Variants in PHKA1 observed in about 807,000 individuals in gnomAD.
The protein encoded by PHKA1 is phosphorylase kinase regulatory subunit alpha 1, also known as phosphorylase b kinase regulatory subunit alpha, skeletal muscle isoform.
Under a neutral mutation model 110.2 loss-of-function variants are expected in PHKA1, and 60 were observed. The observed-to-expected ratio is 0.54, with a 90% CI of 0.44 to 0.68. The LOEUF (loss-of-function observed/expected upper bound fraction) is 0.68, where lower values mean the gene tolerates loss of function less well. Ranked by LOEUF, PHKA1 falls within the 30% of genes least tolerant of loss-of-function variation. The probability of loss-of-function intolerance (pLI) is 0.00; values close to 1 mark genes in which losing one functional copy is unlikely to be tolerated. For synonymous variants in PHKA1, 316 were observed against 333.6 expected (o/e 0.95, Z 0.58); for missense variants, 801 against 942.5 (o/e 0.85, Z 1.97).
rs2053087307 is a variant in PHKA1 at position 72,627,173 on chromosome X, C to G, written c.1715-124G>C. The G allele has an allele frequency of 7.4e-6, 4 of 541,618 alleles. No homozygotes were observed. The Admixed American group carries it at 1.0e-4, about 14-fold the overall frequency. The allele number at this position is 541,618 out of a possible 1,213,427, so 44.6% of individuals were successfully genotyped here. ...ATACAAATGAGACACTCCTCATTGACCATCCTGATTTTAACAATTCATCTG... is the reference window on the plus strand; with the variant it reads ...ATACAAATGAGACACTCCTCATTGAGCATCCTGATTTTAACAATTCATCTG... On this transcript the variant is annotated intron_variant, in intron 16 of 31. Coordinates refer to ENST00000373542, the MANE Select transcript of PHKA1 (RefSeq NM_002637.4).
intron 17 of PHKA1, among the ~76,000 whole-genome samples, chrX:72,624,506 A>G (rs1327462239): frequency 2.7e-5 from 3 of 111,544 alleles, no homozygotes; most frequent in Admixed American, 9.5e-5. Context: ...ACCTCCAGGA[A>G]GTCATGCCTA....
At chrX:72,682,348 GC>G (rs1301691619) in intron 5 of PHKA1, among the ~76,000 whole-genome samples, 1 of 99,409 alleles carries the variant, frequency 1.0e-5, no homozygotes, top group Admixed American at 1.0e-4. Context: ...GGGGGGGTCA[GC>G]CCCCTGCCCG....
chrX:72,637,162 T>C (rs2053239801), intron 14 of PHKA1, among the ~76,000 whole-genome samples: 1 of 112,311 alleles, frequency 8.9e-6, no homozygotes, highest in South Asian at 3.7e-4. Context: ...TCTCCAAAAC[T>C]CTTTCATCTT....
chrX:72,713,549 A>G (rs1477552564), intron 1 of PHKA1, among the ~76,000 whole-genome samples: 2 of 111,395 alleles, frequency 1.8e-5, no homozygotes, highest in South Asian at 3.8e-4. Context: ...AGAATGAACT[A>G]GCGAACTAGC....
rs781949231 is a variant in PHKA1, at chrX:72,666,168, T to A, written c.847A>T (p.Ile283Phe). 1 of 1,211,145 alleles carries A rather than the reference T, an allele frequency of 8.3e-7. No individual in the cohort carries two copies. The highest frequency in any genetic ancestry group is 1.1e-6 in the Non-Finnish European group (1 of 895,141). ...SQLVELTKQE[I>F]ITKLQGRYGC... Reference sequence around the variant, plus strand: ...GGACATACCTGAAGCTTGGTGATGATTTCCTGTTTTGTGAGCTCCACCAAC... The same window carrying A: ...GGACATACCTGAAGCTTGGTGATGAATTCCTGTTTTGTGAGCTCCACCAAC... Residue 283 changes from isoleucine (I) to phenylalanine (F), a missense_variant, in exon 8 of 32, where the codon ATC (isoleucine) becomes TTC (phenylalanine). By Grantham distance (21) the Ile-to-Phe change is conservative. Around this residue, in one of 2 missense-constraint regions of PHKA1, gnomAD observed 299 missense variants for 423.3 expected, o/e 0.71. Transcript: ENST00000373542.
chrX:72,613,668 G>A (rs1195274345), intron 21 of PHKA1, among the ~76,000 whole-genome samples: 1 of 111,669 alleles, frequency 9.0e-6, no homozygotes, highest in Non-Finnish European at 1.9e-5. Context: ...ATCTCTACAG[G>A]ATACTTTTTT....
At chrX:72,670,921 C>T (rs1317463765) in intron 6 of PHKA1, among the ~76,000 whole-genome samples, 32 of 111,485 alleles carry the variant, frequency 2.9e-4, no homozygotes, top group Admixed American at 7.6e-4. Flanking sequence ...AATTAGGTAT[C>T]GATGGGACGT....
intron 15 of PHKA1, 122 bp from the exon 16 acceptor site, chrX:72,635,421 T>C (rs782473098): frequency 1.6e-6 from 1 of 637,167 alleles, no homozygotes; most frequent in South Asian, 2.5e-5. Context: ...TACCCCCACA[T>C]TTAATGTCTA....
chrX:72,592,332 GA>G (rs1368296776), intron 29 of PHKA1, among the ~76,000 whole-genome samples: 6 of 112,318 alleles, frequency 5.3e-5, no homozygotes, highest in Middle Eastern at 4.6e-3. Flanking sequence ...GCCCAAAGGG[GA>G]AAAAACATAA....
intron 4 of PHKA1, among the ~76,000 whole-genome samples, chrX:72,691,916 A>C (rs1414306936): frequency 2.7e-5 from 3 of 112,095 alleles, no homozygotes; most frequent in East Asian, 5.6e-4. Flanking sequence ...TGGTGGCAAG[A>C]GTTGATGTCC....
At chrX:72,630,942 T>G (rs1204712831) in intron 16 of PHKA1, among the ~76,000 whole-genome samples, 1 of 109,862 alleles carries the variant, frequency 9.1e-6, no homozygotes, top group Non-Finnish European at 1.9e-5. Flanking sequence ...TTAAAAAATG[T>G]TAAATCTTTT....
intron 29 of PHKA1, among the ~76,000 whole-genome samples, chrX:72,585,401 T>C (rs180949506): frequency 6.2e-5 from 7 of 112,129 alleles, no homozygotes; most frequent in African/African-American, 2.3e-4. Context: ...AATTTTGCCA[T>C]GTTATGATTG....
chrX:72,667,709 C>A (rs1201659120), intron 6 of PHKA1, among the ~76,000 whole-genome samples: 1 of 111,785 alleles, frequency 8.9e-6, no homozygotes, highest in Admixed American at 9.5e-5. Flanking sequence ...TCATACTTAA[C>A]CATCATTGTA....
intron 6 of PHKA1, among the ~76,000 whole-genome samples, chrX:72,668,775 C>G (rs1218308202): frequency 9.0e-6 from 1 of 111,652 alleles, no homozygotes; most frequent in Non-Finnish European, 1.9e-5. Context: ...TAAATACATT[C>G]ATTCTAACCC....
intron 16 of PHKA1, 26 bp from the exon 17 acceptor site, chrX:72,627,075 A>G: frequency 9.1e-7 from 1 of 1,102,718 alleles, no homozygotes; most frequent in Non-Finnish European, 1.3e-6. Flanking sequence ...ATTTTAAAAC[A>G]ATCTTTGTGG....
Position 72,712,795 on chromosome X carries a change from G to T in PHKA1, c.221C>A (p.Ala74Asp), listed in dbSNP as rs1434058530. The change falls in exon 2 of 32, where the codon GCC becomes GAC. Residue 74 changes from alanine to aspartate, a missense_variant. This residue lies in a region of PHKA1 where 299 missense variants were observed against 423.3 expected (regional missense o/e 0.71). Coordinates refer to ENST00000373542, the MANE Select transcript of PHKA1 (RefSeq NM_002637.4). ...TTTGAGTACCTGCTCCAATTCATAG[G>T]CCTTTGCCTTATCCTCATCCCGGTC... Reference protein sequence around the residue: ...NADRDEDKAKAYELEQSVVKL... With the variant: ...NADRDEDKAKDYELEQSVVKL... The T allele has an allele frequency of 8.3e-7, 1 of 1,209,344 alleles. No individual in the cohort carries two copies. The highest frequency in any genetic ancestry group is 1.8e-5 in the South Asian group (1 of 56,830).
intron 6 of PHKA1, among the ~76,000 whole-genome samples, chrX:72,673,123 T>G (rs1458437368): frequency 9.0e-6 from 1 of 111,383 alleles, no homozygotes; most frequent in Non-Finnish European, 1.9e-5. Flanking sequence ...TTGGGACAAC[T>G]AAATAAATTT....
intron 6 of PHKA1, among the ~76,000 whole-genome samples, chrX:72,673,421 T>C (rs1324803987): frequency 1.8e-5 from 2 of 111,952 alleles, no homozygotes; most frequent in Non-Finnish European, 3.8e-5. Context: ...ATTATAACTT[T>C]CCTCTAAGTC....
At chrX:72,584,147 T>C in intron 30 of PHKA1, 102 bp downstream of exon 30, 1 of 684,708 alleles carries the variant, frequency 1.5e-6, no homozygotes, top group South Asian at 2.4e-5. Context: ...TCAGTTGATT[T>C]ATAAAAGCAT....
Sources: gnomAD v4.1 joint callset for allele counts (sites outside exome capture counted in the v4.1 genomes callset) on GRCh38, gnomAD v4.1.1 for gene constraint, gnomAD v4.1.1 regional missense constraint, MANE v1.5 for transcripts, NCBI Gene and HGNC (gene_info 2026-07-23, HGNC 2026-07-21) for gene names.